LRMDA: variants seen among roughly 807,000 people sequenced by gnomAD.
LRMDA encodes the protein leucine-rich melanocyte differentiation-associated protein.
Under a neutral mutation model 29.8 loss-of-function variants are expected in LRMDA, and 18 were observed. The observed-to-expected ratio is 0.60, with a 90% CI of 0.42 to 0.90. LRMDA has a LOEUF of 0.90. Ranked by LOEUF, LRMDA falls within the 40% of genes least tolerant of loss-of-function variation. The pLI, the probability that LRMDA is intolerant of heterozygous loss-of-function variation, is 0.00. For synonymous variants in LRMDA, 125 were observed against 109.4 expected, an observed-to-expected ratio of 1.14 and a Z score of -0.89; for missense variants, 273 against 273.9, an observed-to-expected ratio of 1.00 and a Z score of 0.02.
In LRMDA at chr10:75,431,645, C is replaced by T. The variant is rs1053115706; in HGVS notation, c.-80C>T. The T allele has an allele frequency of 5.2e-4, 613 of 1,175,836 alleles. No homozygotes were observed. Among genetic ancestry groups the T allele is most frequent in the Non-Finnish European group, 6.2e-4 (583 of 947,262 alleles). 72.8% of individuals were successfully genotyped at this position (1,175,836 alleles called of 1,614,324 possible). On this transcript the variant is annotated 5_prime_UTR_variant, in exon 1 of 7. Transcript: ENST00000611255. ...GCCCAGTGCGGAACTGTGCGCCCGCCGCGCTCCCCTGCCGCGCTCCCCGCT... is the reference window on the plus strand; with the variant it reads ...GCCCAGTGCGGAACTGTGCGCCCGCTGCGCTCCCCTGCCGCGCTCCCCGCT...
intron 6 of LRMDA, among the ~76,000 whole-genome samples, chr10:76,383,924 T>C (rs1304473344): frequency 1.3e-5 from 2 of 152,188 alleles, no homozygotes; most frequent in Non-Finnish European, 2.9e-5. Context: ...TTTGTCAGTG[T>C]GTCACTTTCC....
intron 5 of LRMDA, among the ~76,000 whole-genome samples, chr10:76,159,276 A>G (rs551602164): frequency 6.6e-6 from 1 of 152,300 alleles, no homozygotes; most frequent in South Asian, 2.1e-4. Flanking sequence ...GAATATTAAA[A>G]ACTTTATGAG....
At chr10:76,078,041 C>G (rs1213807531) in intron 5 of LRMDA, among the ~76,000 whole-genome samples, 1 of 102,502 alleles carries the variant, frequency 9.8e-6, no homozygotes, top group African/African-American at 3.9e-5. Context: ...GATGGAGTCT[C>G]GCTCTGTCGC....
intron 6 of LRMDA, among the ~76,000 whole-genome samples, chr10:76,527,299 C>T (rs1182318296): frequency 6.6e-6 from 1 of 152,128 alleles, no homozygotes; most frequent in African/African-American, 2.4e-5. Flanking sequence ...GTGCCAGCTT[C>T]CATTTTTGTG....
At chr10:76,347,542 C>G (rs746548565) in intron 6 of LRMDA, among the ~76,000 whole-genome samples, 14 of 152,158 alleles carry the variant, frequency 9.2e-5, no homozygotes, top group Non-Finnish European at 1.3e-4. Flanking sequence ...TGACTATGCA[C>G]TTTCTCACCC....
chr10:76,302,542 G>C (rs1840494217), intron 5 of LRMDA, among the ~76,000 whole-genome samples: 2 of 152,052 alleles, frequency 1.3e-5, no homozygotes, highest in Admixed American at 6.5e-5. Flanking sequence ...GGGGGGTGGT[G>C]GTGGGGATTC....
At chr10:75,579,096 C>A (rs2132075530) in intron 2 of LRMDA, among the ~76,000 whole-genome samples, 1 of 152,186 alleles carries the variant, frequency 6.6e-6, no homozygotes, top group African/African-American at 2.4e-5. Flanking sequence ...GAGATAGAGA[C>A]ACGAAAAACC....
At chr10:75,867,287 T>G (rs890716243) in intron 2 of LRMDA, among the ~76,000 whole-genome samples, 3 of 152,094 alleles carry the variant, frequency 2.0e-5, no homozygotes, top group Non-Finnish European at 4.4e-5. Context: ...CTCAGCCTCC[T>G]GAGTAGCTGG....
intron 5 of LRMDA, among the ~76,000 whole-genome samples, chr10:76,149,582 G>A (rs1374425430): frequency 6.6e-6 from 1 of 152,170 alleles, no homozygotes. Context: ...CCTAAGTAAT[G>A]TAGGCAGAGA....
At chr10:75,618,933 C>A (rs189200211) in intron 2 of LRMDA, among the ~76,000 whole-genome samples, 230 of 151,984 alleles carry the variant, frequency 1.5e-3, no homozygotes, top group African/African-American at 5.4e-3. Context: ...CAGGTGCGTG[C>A]CACCACTCCT....
chr10:75,465,587 C>T (rs1406060596), intron 2 of LRMDA, among the ~76,000 whole-genome samples: 1 of 152,152 alleles, frequency 6.6e-6, no homozygotes, highest in African/African-American at 2.4e-5. Flanking sequence ...GACTGCAGCT[C>T]TGATTTCAAT....
chr10:76,462,202 G>T (rs898982022), intron 6 of LRMDA, among the ~76,000 whole-genome samples: 1 of 151,640 alleles, frequency 6.6e-6, no homozygotes, highest in Non-Finnish European at 1.5e-5. Context: ...ATCAGAATCT[G>T]CATTTTTTTT....
At chr10:76,246,185 T>C (rs1224197299) in intron 5 of LRMDA, among the ~76,000 whole-genome samples, 1 of 152,138 alleles carries the variant, frequency 6.6e-6, no homozygotes, top group Non-Finnish European at 1.5e-5. Context: ...GCTGGTGTTA[T>C]TTGTCATCAA....
intron 2 of LRMDA, among the ~76,000 whole-genome samples, chr10:75,558,120 A>G (rs1284320408): frequency 1.3e-5 from 2 of 151,902 alleles, no homozygotes; most frequent in Admixed American, 1.3e-4. Flanking sequence ...TACAACTTAG[A>G]AAAAAAAGTA....
At chr10:75,609,124 G>C (rs1171714340) in intron 2 of LRMDA, among the ~76,000 whole-genome samples, 2 of 152,282 alleles carry the variant, frequency 1.3e-5, no homozygotes, top group Middle Eastern at 3.4e-3. Context: ...GGTTGTGCTA[G>C]CATGCAGCCA....
At chr10:76,108,670 AAT>A (rs373698214) in intron 5 of LRMDA, among the ~76,000 whole-genome samples, 129 of 152,306 alleles carry the variant, frequency 8.5e-4, no homozygotes, top group African/African-American at 2.9e-3. Context: ...TTCTTCCAAA[AAT>A]ATGTTAAGTG....
At chr10:76,475,080 AT>A (rs1435731986) in intron 6 of LRMDA, among the ~76,000 whole-genome samples, 1 of 151,722 alleles carries the variant, frequency 6.6e-6, no homozygotes, top group Non-Finnish European at 1.5e-5. Context: ...CCTTGAAAAC[AT>A]TATGCTAAGT....
chr10:75,937,635 G>C (rs1238490539), intron 2 of LRMDA, among the ~76,000 whole-genome samples: 1 of 152,172 alleles, frequency 6.6e-6, no homozygotes, highest in African/African-American at 2.4e-5. Context: ...AAGGGGGGCA[G>C]GACTGGGTTA....
chr10:76,168,435 T>C (rs572191145), intron 5 of LRMDA, among the ~76,000 whole-genome samples: 1 of 152,292 alleles, frequency 6.6e-6, no homozygotes, highest in South Asian at 2.1e-4. Context: ...TGGCTTCTGT[T>C]TCCAGAGCTG....
Sources: allele counts gnomAD v4.1 joint callset (sites outside exome capture counted in the v4.1 genomes callset), GRCh38; gene constraint gnomAD v4.1.1; transcripts MANE v1.5; gene names NCBI Gene and HGNC (gene_info 2026-07-23, HGNC 2026-07-21).